Variants in NFASC observed in about 807,000 individuals in gnomAD.
The protein encoded by NFASC is neurofascin, also known as neurofascin homolog.
In NFASC, 43 loss-of-function variants were observed where a neutral mutation model predicts 147.5. The ratio of observed to expected loss-of-function variants is 0.29; its 90% confidence interval spans 0.23 to 0.38. The LOEUF is 0.38. NFASC is among the 10% of genes least tolerant of loss of function. The pLI is 1.00. For missense variants in NFASC, 1,320 were observed against 1,689.0 expected, an observed-to-expected ratio of 0.78 and a Z score of 3.83; for synonymous variants, 622 against 665.5, an observed-to-expected ratio of 0.93 and a Z score of 1.01.
intron 1 of NFASC, among the ~76,000 whole-genome samples, chr1:204,856,759 A>G (rs1037059592): frequency 1.3e-5 from 2 of 152,222 alleles, no homozygotes; most frequent in African/African-American, 4.8e-5. Context: ...ATATTAAAGA[A>G]ATCATACAAT....
chr1:204,843,853 A>G (rs991398671), intron 1 of NFASC, among the ~76,000 whole-genome samples: 11 of 152,096 alleles, frequency 7.2e-5, no homozygotes, highest in African/African-American at 2.4e-4. Flanking sequence ...CTGGGATTAC[A>G]GGCATGCACC....
At chr1:204,915,046 G>A (rs555665649) in intron 1 of NFASC, among the ~76,000 whole-genome samples, 11 of 152,294 alleles carry the variant, frequency 7.2e-5, no homozygotes, top group Admixed American at 3.9e-4. Flanking sequence ...TTGGGAGGCC[G>A]AGACAGGTGG....
At chr1:204,844,338 G>A (rs1558487449) in intron 1 of NFASC, among the ~76,000 whole-genome samples, 1 of 152,176 alleles carries the variant, frequency 6.6e-6, no homozygotes, top group Non-Finnish European at 1.5e-5. Context: ...AAAGTTAGCT[G>A]TTGTATTCTT....
At chr1:204,894,618 C>G (rs1047541185) in intron 1 of NFASC, among the ~76,000 whole-genome samples, 2 of 152,190 alleles carry the variant, frequency 1.3e-5, no homozygotes, top group Non-Finnish European at 2.9e-5. Context: ...CAGTCCTCTG[C>G]CCTCCTGGCC....
intron 1 of NFASC, among the ~76,000 whole-genome samples, chr1:204,896,243 G>A (rs2083372052): frequency 6.6e-6 from 1 of 152,178 alleles, no homozygotes; most frequent in Non-Finnish European, 1.5e-5. Context: ...CTGCTTGTTG[G>A]GTTTAGTAAT....
At position 205,016,398 on chromosome 1, in the gene NFASC, T is replaced by A; in HGVS notation, c.3582T>A (p.Tyr1194Ter). 1 of 1,613,972 alleles carries A rather than the reference T, an allele frequency of 6.2e-7. No individual in the cohort carries two copies. The highest frequency in any genetic ancestry group is 8.5e-7 in the Non-Finnish European group (1 of 1,179,940). Reference protein sequence around the residue: ...QQESDDSLVDYGEGGEGQFNE... With the variant: ...QQESDDSLVD ...AGAGTGACGACAGCCTGGTGGACTA[T>A]GGCGAGGGTGGCGAGGGTCAGTTCA... Residue 1194 changes from tyrosine (Y) to a stop codon, truncating the protein, a stop_gained, in exon 30 of 30, where the codon TAT (tyrosine) becomes TAA (stop). Transcript: ENST00000339876. LOFTEE classifies it high-confidence loss of function. The surrounding 1 kb of genome is among the most constrained non-coding windows in gnomAD (Gnocchi z 5.1).
intron 8 of NFASC, among the ~76,000 whole-genome samples, chr1:204,967,310 C>T (rs189818540): frequency 2.6e-5 from 4 of 152,284 alleles, no homozygotes; most frequent in African/African-American, 4.8e-5. Context: ...CCATCTTACC[C>T]ATTCCCCTAG....
At chr1:204,919,557 G>T (rs1410996998) in intron 1 of NFASC, among the ~76,000 whole-genome samples, 1 of 152,166 alleles carries the variant, frequency 6.6e-6, no homozygotes, top group Non-Finnish European at 1.5e-5. Context: ...GGGTCAAAGA[G>T]TAAATGCATA....
At chr1:204,852,319 C>T (rs576816626) in intron 1 of NFASC, among the ~76,000 whole-genome samples, 41 of 152,132 alleles carry the variant, frequency 2.7e-4, no homozygotes, top group African/African-American at 8.4e-4. Flanking sequence ...GCCAAAATGG[C>T]GAAACCCCAT....
Position 204,944,390 on chromosome 1 carries a change from C to A in NFASC, c.75C>A (p.Ile25=), listed in dbSNP as rs746114087. 30 of 1,599,146 alleles carry A rather than the reference C, an allele frequency of 1.9e-5. No individual in the cohort carries two copies. The highest frequency in any genetic ancestry group is 2.6e-5 in the Non-Finnish European group (30 of 1,171,982). The change falls in exon 3 of 30, where the codon ATC becomes ATA. Residue 25 remains isoleucine (I), a synonymous_variant. Transcript: ENST00000339876. ...LLCLLSLGGA[I]EIPMDPSIQN... ...GCCTCCTCAGTCTTGGCGGAGCCATCGAAATTCCTATGGATCGTGAGTCCT... is the reference window on the plus strand; with the variant it reads ...GCCTCCTCAGTCTTGGCGGAGCCATAGAAATTCCTATGGATCGTGAGTCCT...
intron 21 of NFASC, among the ~76,000 whole-genome samples, chr1:204,982,763 C>A (rs1031144435): frequency 1.3e-5 from 2 of 152,244 alleles, no homozygotes; most frequent in South Asian, 4.1e-4. Context: ...TGGTTGAGGG[C>A]CTTTGCGCCC....
intron 1 of NFASC, among the ~76,000 whole-genome samples, chr1:204,854,123 G>T (rs963519666): frequency 4.0e-5 from 6 of 149,108 alleles, no homozygotes; most frequent in African/African-American, 1.5e-4. Flanking sequence ...CCTATTCATA[G>T]ACTCTCAGCA....
intron 28 of NFASC, chr1:205,009,978 C>A: frequency 2.4e-6 from 1 of 410,794 alleles, no homozygotes; most frequent in Non-Finnish European, 4.4e-6. Context: ...GACTCACCAC[C>A]CATCTGTTCT....
intron 1 of NFASC, among the ~76,000 whole-genome samples, chr1:204,880,068 A>G (rs1250672806): frequency 6.6e-6 from 1 of 152,194 alleles, no homozygotes; most frequent in Non-Finnish European, 1.5e-5. Context: ...ACATTGACTC[A>G]GCTAGTTATC....
rs2095474980 is a variant in NFASC at position 204,979,632 on chromosome 1, C to A, written c.2176+73C>A. 1.4e-6 allele frequency: 2 copies of A among 1,399,358 alleles called. No homozygotes were observed. The highest frequency in any genetic ancestry group is 2.0e-6 in the Non-Finnish European group (2 of 987,218). 86.7% of individuals were successfully genotyped at this position (1,399,358 alleles called of 1,614,324 possible). On this transcript the variant is annotated intron_variant, in intron 19 of 29. Coordinates refer to ENST00000339876, the MANE Select transcript of NFASC (RefSeq NM_001005388.3). This position sits in a 1 kb window ranked among gnomAD's most constrained non-coding sequence, Gnocchi z 6.0. Reference sequence around the variant, plus strand: ...AAACTCACACTGAGATCCCCCCATTCCCAGCCATGTGAACTTAGGTTACTT... The same window carrying A: ...AAACTCACACTGAGATCCCCCCATTACCAGCCATGTGAACTTAGGTTACTT...
chr1:204,900,988 T>C (rs1558033198), intron 1 of NFASC, among the ~76,000 whole-genome samples: 1 of 152,062 alleles, frequency 6.6e-6, no homozygotes, highest in Non-Finnish European at 1.5e-5. Flanking sequence ...AGATTCCTTT[T>C]AAAGATGAAG....
Position 204,997,640 on chromosome 1 carries a change from C to A in NFASC, c.3019+234C>A, listed in dbSNP as rs138412042. On this transcript the variant is annotated intron_variant, in intron 25 of 29. Coordinates refer to ENST00000339876, the MANE Select transcript of NFASC (RefSeq NM_001005388.3). Reference sequence around the variant, plus strand: ...ACACACACACTCCTTGGGTGGTCCTCCACCACTCAGTACCCCAAATTCTAG... The same window carrying A: ...ACACACACACTCCTTGGGTGGTCCTACACCACTCAGTACCCCAAATTCTAG... 1,758 of 600,214 alleles carry A rather than the reference C, an allele frequency of 2.9e-3. 28 individuals are homozygous for A. Among genetic ancestry groups the A allele is most frequent in the African/African-American group, 0.029 (1,584 of 54,086 alleles). 37.2% of individuals were successfully genotyped at this position (600,214 alleles called of 1,614,324 possible).
intron 22 of NFASC, 25 bp from the exon 23 acceptor site, chr1:204,988,608 A>G (rs147640007): frequency 6.2e-7 from 1 of 1,610,238 alleles, no homozygotes; most frequent in African/African-American, 1.3e-5. Context: ...CTAAAGTTTA[A>G]TTCCACTTAC....
chr1:204,870,228 G>A (rs1292145913), intron 1 of NFASC, among the ~76,000 whole-genome samples: 3 of 152,188 alleles, frequency 2.0e-5, no homozygotes, highest in Non-Finnish European at 4.4e-5. Flanking sequence ...ACGCATGGCT[G>A]TAATCAAATG....
Sources: gnomAD v4.1 joint callset for allele counts (sites outside exome capture counted in the v4.1 genomes callset) on GRCh38, gnomAD v4.1.1 for gene constraint, Gnocchi (gnomAD v3.1) non-coding constraint, MANE v1.5 for transcripts, NCBI Gene and HGNC (gene_info 2026-07-23, HGNC 2026-07-21) for gene names.